Variants in PTPRG observed in about 807,000 individuals in gnomAD.
PTPRG encodes protein tyrosine phosphatase receptor type G, also known as receptor-type tyrosine-protein phosphatase gamma.
Under a neutral mutation model 165.3 loss-of-function variants are expected in PTPRG, and 102 were observed. That is an observed-to-expected ratio of 0.62 (90% CI 0.53 to 0.73). The LOEUF (loss-of-function observed/expected upper bound fraction) is 0.73. Ranked by LOEUF, PTPRG falls within the 30% of genes least tolerant of loss-of-function variation. PTPRG has a pLI of 0.00. For synonymous variants in PTPRG, 675 were observed against 669.5 expected, an observed-to-expected ratio of 1.01 and a Z score of -0.13; for missense variants, 1,866 against 1,861.4, an observed-to-expected ratio of 1.00 and a Z score of -0.05.
At chr3:61,641,367 G>A (rs932556433) in intron 1 of PTPRG, among the ~76,000 whole-genome samples, 10 of 152,108 alleles carry the variant, frequency 6.6e-5, no homozygotes, top group African/African-American at 2.4e-4. Context: ...ATCTCGGGAG[G>A]GCAAGACGCC....
chr3:61,847,166 C>T (rs536594384), intron 2 of PTPRG, among the ~76,000 whole-genome samples: 2 of 151,966 alleles, frequency 1.3e-5, no homozygotes, highest in African/African-American at 4.8e-5. Context: ...TGATGCCATA[C>T]GGGAGTAGAA....
At chr3:62,278,996 G>T (rs1268910469) in intron 26 of PTPRG, among the ~76,000 whole-genome samples, 2 of 152,160 alleles carry the variant, frequency 1.3e-5, no homozygotes, top group South Asian at 2.1e-4. Flanking sequence ...ATGTTCTGCA[G>T]ACACTGAGGA....
At chr3:61,973,405 A>G (rs1012194943) in intron 2 of PTPRG, among the ~76,000 whole-genome samples, 6 of 152,186 alleles carry the variant, frequency 3.9e-5, no homozygotes, top group African/African-American at 1.4e-4. Flanking sequence ...TTCAGGGTTT[A>G]GTTCTAGAAT....
intron 2 of PTPRG, among the ~76,000 whole-genome samples, chr3:61,848,411 C>T (rs1409991796): frequency 1.3e-5 from 2 of 152,190 alleles, no homozygotes; most frequent in Admixed American, 1.3e-4. Context: ...CTGAAATCCT[C>T]TGTTGGCAAA....
intron 2 of PTPRG, among the ~76,000 whole-genome samples, chr3:61,760,000 G>A (rs1043833557): frequency 6.6e-6 from 1 of 151,836 alleles, no homozygotes; most frequent in Non-Finnish European, 1.5e-5. Context: ...TTAGTTTTCC[G>A]TTTTGATGTG....
intron 1 of PTPRG, among the ~76,000 whole-genome samples, chr3:61,659,871 A>T (rs1440949193): frequency 6.6e-6 from 1 of 152,182 alleles, no homozygotes; most frequent in East Asian, 1.9e-4. Flanking sequence ...TTAAATAAGG[A>T]AAACTAGAGT....
chr3:61,567,359 C>G (rs1019274356), intron 1 of PTPRG, among the ~76,000 whole-genome samples: 1 of 151,962 alleles, frequency 6.6e-6, no homozygotes, highest in African/African-American at 2.4e-5. Flanking sequence ...GAATTTGTCC[C>G]AGAATGAGGT....
chr3:62,129,391 G>A (rs750407886), intron 5 of PTPRG, among the ~76,000 whole-genome samples: 7 of 152,120 alleles, frequency 4.6e-5, no homozygotes, highest in Non-Finnish European at 1.0e-4. Context: ...TTGTGCTGCT[G>A]TCACAGAATG....
chr3:61,684,450 T>C (rs1389046153), intron 1 of PTPRG, among the ~76,000 whole-genome samples: 6 of 152,200 alleles, frequency 3.9e-5, no homozygotes, highest in African/African-American at 1.4e-4. Context: ...GTCATTTCTG[T>C]GTGGGTTTTC....
chr3:61,756,556 C>A (rs2033640600), intron 2 of PTPRG, among the ~76,000 whole-genome samples: 1 of 152,002 alleles, frequency 6.6e-6, no homozygotes, highest in African/African-American at 2.4e-5. Context: ...ACTTAGAGTT[C>A]TTTTCTTATT....
At chr3:61,762,770 G>A (rs977629110) in intron 2 of PTPRG, among the ~76,000 whole-genome samples, 6 of 152,070 alleles carry the variant, frequency 3.9e-5, no homozygotes, top group South Asian at 4.1e-4. Context: ...TGGCCTAAGC[G>A]TAAGGGCAGT....
rs547369137 is a variant in PTPRG, at chr3:62,003,633, T to C, written c.519+136T>C. The C allele has an allele frequency of 6.2e-6, 7 of 1,122,860 alleles. No homozygotes were observed. The Admixed American group carries it at 1.8e-4, about 29-fold the overall frequency. 69.6% of individuals were successfully genotyped at this position (1,122,860 alleles called of 1,614,324 possible). On this transcript the variant is annotated intron_variant, in intron 4 of 29. Transcript: ENST00000474889. Reference sequence around the variant, plus strand: ...ACTTCCTCTCTCTGGAAACCCTTTATCCATAGTATGGCAGGTGGGTATCCA... The same window carrying C: ...ACTTCCTCTCTCTGGAAACCCTTTACCCATAGTATGGCAGGTGGGTATCCA...
At chr3:62,183,254 C>G (rs896183244) in intron 8 of PTPRG, among the ~76,000 whole-genome samples, 1 of 152,084 alleles carries the variant, frequency 6.6e-6, no homozygotes, top group Non-Finnish European at 1.5e-5. Flanking sequence ...AGATAGGACT[C>G]GTTACTATTA....
At chr3:62,027,792 A>T (rs1203199273) in intron 4 of PTPRG, among the ~76,000 whole-genome samples, 1 of 152,222 alleles carries the variant, frequency 6.6e-6, no homozygotes, top group East Asian at 1.9e-4. Flanking sequence ...AGGATTTGCT[A>T]AATGATCACC....
intron 1 of PTPRG, among the ~76,000 whole-genome samples, chr3:61,732,315 T>C (rs550108329): frequency 5.3e-5 from 8 of 152,248 alleles, no homozygotes; most frequent in South Asian, 4.1e-4. Flanking sequence ...CAGTGGCTCA[T>C]GCCTGTAATC....
chr3:62,196,982 C>G (rs4479591), intron 10 of PTPRG, among the ~76,000 whole-genome samples: 106,764 of 152,116 alleles, frequency 0.7, 39,854 homozygotes, highest in Non-Finnish European at 0.84. Context: ...GCATCAGAAT[C>G]TTACCTGGGG....
At chr3:61,774,507 C>T (rs751051876) in intron 2 of PTPRG, among the ~76,000 whole-genome samples, 17 of 152,142 alleles carry the variant, frequency 1.1e-4, no homozygotes, top group Non-Finnish European at 5.9e-5. Context: ...TGCAGCCTAA[C>T]CAGAGTAGCA....
chr3:62,061,441 G>A (rs1700807446), intron 4 of PTPRG, among the ~76,000 whole-genome samples: 2 of 152,108 alleles, frequency 1.3e-5, no homozygotes, highest in African/African-American at 4.8e-5. Context: ...TCTTCATGAA[G>A]TCATGGTTTT....
chr3:61,614,115 G>C (rs1283172577), intron 1 of PTPRG, among the ~76,000 whole-genome samples: 1 of 152,164 alleles, frequency 6.6e-6, no homozygotes, highest in African/African-American at 2.4e-5. Flanking sequence ...CCATGGGCCT[G>C]CCTCCGCCTC....
Sources: gnomAD v4.1 joint callset for allele counts (sites outside exome capture counted in the v4.1 genomes callset) on GRCh38, gnomAD v4.1.1 for gene constraint, MANE v1.5 for transcripts, NCBI Gene and HGNC (gene_info 2026-07-23, HGNC 2026-07-21) for gene names.